Variants in SMARCA4 observed in about 807,000 individuals in gnomAD.
SMARCA4 encodes the protein SWI/SNF-related matrix-associated actin-dependent regulator of chromatin subfamily A member 4.
SMARCA4 carries 31 observed loss-of-function variants against 193.9 expected under a neutral mutation model. The ratio of observed to expected loss-of-function variants is 0.16; its 90% CI spans 0.12 to 0.22. SMARCA4 has a LOEUF of 0.22. SMARCA4 is among the 10% of genes least tolerant of loss of function. SMARCA4 has a pLI of 1.00. For missense variants in SMARCA4, 1,148 were observed against 2,296.0 expected, an observed-to-expected ratio of 0.50 and a Z score of 10.22; for synonymous variants, 942 against 933.1, an observed-to-expected ratio of 1.01 and a Z score of -0.17.
At chr19:11,011,657 G>T (rs1036772715) in intron 15 of SMARCA4, 1 of 152,180 alleles carries the variant, frequency 6.6e-6, no homozygotes, top group Non-Finnish European at 1.5e-5. Context: ...TTGAAAGTGG[G>T]CCTGGGCAAC....
Position 11,027,968 on chromosome 19 carries a change from AG to A in SMARCA4, c.3382+20del, listed in dbSNP as rs1277681357. On this transcript the variant is annotated intron_variant, in intron 24 of 34. Coordinates refer to ENST00000344626, the MANE Select transcript of SMARCA4 (RefSeq NM_003072.5). ...GCTTGATGGTGAGTATGAGCCAGTGAGGCGTTTCTTACAGGGTTTTGTTGTT... is the reference window on the plus strand; with the variant it reads ...GCTTGATGGTGAGTATGAGCCAGTGAGCGTTTCTTACAGGGTTTTGTTGTT... 6.2e-7 allele frequency: 1 copy of A among 1,613,484 alleles called. No homozygotes were observed. The highest frequency in any genetic ancestry group is 2.2e-5 in the East Asian group (1 of 44,890).
chr19:10,972,544 T>G (rs1289769548), intron 1 of SMARCA4, among the ~76,000 whole-genome samples: 1 of 152,186 alleles, frequency 6.6e-6, no homozygotes, highest in African/African-American at 2.4e-5. Context: ...GGAACCAGCT[T>G]GGTGCATTCA....
rs1270755026 is a variant in SMARCA4 at position 10,984,520 on chromosome 19, C to A, written c.222+147C>A. Reference sequence around the variant, plus strand: ...CTTGGCTCAGCCCCCTACCCCAGGGCCCACGGCCATGAACAGAAGGTTCAG... The same window carrying A: ...CTTGGCTCAGCCCCCTACCCCAGGGACCACGGCCATGAACAGAAGGTTCAG... On this transcript the variant is annotated intron_variant, in intron 2 of 34. Transcript: ENST00000344626. The surrounding 1 kb of genome is among the most constrained non-coding windows in gnomAD (Gnocchi z 4.3). 5.7e-6 allele frequency: 8 copies of A among 1,402,086 alleles called. No homozygotes were observed. The highest frequency in any genetic ancestry group is 2.8e-5 in the African/African-American group (2 of 70,216). 86.9% of individuals were successfully genotyped at this position (1,402,086 alleles called of 1,614,324 possible).
At chr19:11,027,613 G>T in intron 23 of SMARCA4, 171 bp from the exon 24 acceptor site, 1 of 734,962 alleles carries the variant, frequency 1.4e-6, no homozygotes, top group South Asian at 1.5e-5. Flanking sequence ...TCAGTTGGGG[G>T]AAATGGCTTT....
chr19:10,984,454 T>C lies in SMARCA4; in HGVS notation c.222+81T>C, dbSNP rs961623788. The stretch of plus-strand genomic sequence containing the variant: ...GCAGCCTCTGGACCGAGGGCCTTAC[T>C]TGGAGGATGGGGGGAAGCCTTCTTG... On this transcript the variant is annotated intron_variant, in intron 2 of 34. Transcript: ENST00000344626. The surrounding 1 kb of genome is among the most constrained non-coding windows in gnomAD (Gnocchi z 4.3). The C allele has an allele frequency of 4.5e-6, 7 of 1,548,264 alleles. No individual in the cohort carries two copies. The highest frequency in any genetic ancestry group is 1.2e-5 in the South Asian group (1 of 83,932).
intron 25 of SMARCA4, among the ~76,000 whole-genome samples, chr19:11,032,855 T>G (rs916214748): frequency 9.2e-5 from 14 of 152,098 alleles, no homozygotes; most frequent in African/African-American, 3.4e-4. Context: ...TCCGGTTCTG[T>G]GTGCACTGTG....
chr19:11,007,929 G>A lies in SMARCA4; in HGVS notation c.2029G>A (p.Ala677Thr), dbSNP rs2088396631. ...GGAGGAGGAAGAGCAGCCGCAGGCAGCACAGCCTCCCACCCTGCCCGTGGA... is the reference window on the plus strand; with the variant it reads ...GGAGGAGGAAGAGCAGCCGCAGGCAACACAGCCTCCCACCCTGCCCGTGGA... ...EEEEEEQPQA[A>T]QPPTLPVEEK... Residue 677 changes from alanine (A) to threonine (T), a missense_variant, in exon 14 of 35, where the codon GCA becomes ACA. Physicochemically the swap from Ala to Thr is moderately conservative, Grantham distance 58. Transcript: ENST00000344626. The A allele has an allele frequency of 6.2e-7, 1 of 1,613,714 alleles. No individual in the cohort carries two copies. The highest frequency in any genetic ancestry group is 8.5e-7 in the Non-Finnish European group (1 of 1,179,774).
intron 11 of SMARCA4, among the ~76,000 whole-genome samples, chr19:10,999,309 G>C (rs2087398329): frequency 6.6e-6 from 1 of 152,122 alleles, no homozygotes; most frequent in Non-Finnish European, 1.5e-5. Context: ...TGAGCAGCCG[G>C]ATCTGGGAAA....
At chr19:11,012,550 C>A (rs2088951732) in intron 15 of SMARCA4, 1 of 297,246 alleles carries the variant, frequency 3.4e-6, no homozygotes, top group Admixed American at 4.3e-5. Context: ...GATGTTCAGG[C>A]AGTGAATTCC....
intron 9 of SMARCA4, chr19:10,995,604 C>G (rs2086963465): frequency 9.6e-6 from 4 of 418,812 alleles, no homozygotes; most frequent in Admixed American, 5.3e-5. Context: ...ACGCAGAGAC[C>G]CAGGGAAGGA....
intron 1 of SMARCA4, among the ~76,000 whole-genome samples, chr19:10,974,164 C>A (rs567542139): frequency 2.0e-5 from 3 of 152,070 alleles, no homozygotes; most frequent in African/African-American, 7.2e-5. Flanking sequence ...CCAAGGGATC[C>A]GATTGCTGGT....
At chr19:11,012,861 T>C (rs2088983952) in intron 15 of SMARCA4, 88 bp from the exon 16 acceptor site, 2 of 1,250,348 alleles carry the variant, frequency 1.6e-6, no homozygotes. Context: ...AACTCGTGGC[T>C]GGCGGTGTCT....
Position 10,987,565 on chromosome 19 carries a change from G to A in SMARCA4, c.860-101G>A. 2 of 1,391,768 alleles carry A rather than the reference G, an allele frequency of 1.4e-6. No individual in the cohort carries two copies. Among genetic ancestry groups the A allele is most frequent in the East Asian group, 4.6e-5 (2 of 43,342 alleles). The allele number at this position is 1,391,768 out of a possible 1,614,324, so 86.2% of individuals were successfully genotyped here. ...GAAAGGTGGGAGATGGGCGGGGTCT[G>A]CCTGTCCCCAGTGCCTCAAGCAGCT... On this transcript the variant is annotated intron_variant, in intron 5 of 34. Coordinates refer to ENST00000344626, the MANE Select transcript of SMARCA4 (RefSeq NM_003072.5). This position sits in a 1 kb window ranked among gnomAD's most constrained non-coding sequence, Gnocchi z 5.3.
At chr19:11,047,310 C>CT (rs920881630) in intron 30 of SMARCA4, among the ~76,000 whole-genome samples, 8 of 152,052 alleles carry the variant, frequency 5.3e-5, no homozygotes, top group African/African-American at 1.7e-4. Context: ...AGACACAGGG[C>CT]TTTCCTTTGT....
At chr19:11,061,204 A>ATATATATATAT (rs1471127800) in intron 34 of SMARCA4, among the ~76,000 whole-genome samples, 1 of 45,222 alleles carries the variant, frequency 2.2e-5, no homozygotes, top group African/African-American at 1.1e-4. Flanking sequence ...AAAAAAAAAA[A>ATATATATATAT]ATATATATAT....
chr19:10,978,321 G>C (rs1036335678), intron 1 of SMARCA4, among the ~76,000 whole-genome samples: 1 of 152,048 alleles, frequency 6.6e-6, no homozygotes, highest in Non-Finnish European at 1.5e-5. Context: ...TTAGAATTAA[G>C]AGCTTCTCTC....
intron 11 of SMARCA4, among the ~76,000 whole-genome samples, chr19:10,997,782 T>C (rs967663350): frequency 3.3e-5 from 5 of 152,164 alleles, no homozygotes; most frequent in African/African-American, 1.2e-4. Flanking sequence ...CTGTGTTTTT[T>C]CCTAAACTCT....
chr19:11,020,170 T>G (rs916469395), intron 18 of SMARCA4, among the ~76,000 whole-genome samples: 3 of 152,202 alleles, frequency 2.0e-5, no homozygotes, highest in Non-Finnish European at 4.4e-5. Context: ...CTGCTGGCCT[T>G]GGGCAGCTGG....
chr19:11,008,556 C>T (rs1023894924), intron 14 of SMARCA4, among the ~76,000 whole-genome samples: 3 of 152,194 alleles, frequency 2.0e-5, no homozygotes, highest in Non-Finnish European at 4.4e-5. Context: ...TTCTCATTTT[C>T]GTAGCCTGTC....
Sources: allele counts gnomAD v4.1 joint callset (sites outside exome capture counted in the v4.1 genomes callset), GRCh38; gene constraint gnomAD v4.1.1; non-coding constraint Gnocchi (gnomAD v3.1); transcripts MANE v1.5; gene names NCBI Gene and HGNC (gene_info 2026-07-23, HGNC 2026-07-21).